The following SNTG1 variants were observed in gnomAD, a reference collection of about 807,000 sequenced individuals.
The protein encoded by SNTG1 is gamma-1-syntrophin.
In SNTG1, 39 loss-of-function variants were observed where a neutral mutation model predicts 74.7. The ratio of observed to expected loss-of-function variants is 0.52; its 90% CI spans 0.40 to 0.68. SNTG1 has a LOEUF of 0.68. SNTG1 is among the 30% of genes least tolerant of loss of function. SNTG1 has a pLI of 0.00. For synonymous variants in SNTG1, 254 were observed against 217.1 expected (o/e 1.17, Z -1.49); for missense variants, 685 against 609.5 (o/e 1.12, Z -1.30).
In SNTG1 at chr8:50,102,587, G is replaced by T. The variant is rs1368025035; in HGVS notation, c.-102-69974G>T. On this transcript the variant is annotated intron_variant, in intron 1 of 18. Coordinates refer to ENST00000642720, the MANE Select transcript of SNTG1 (RefSeq NM_018967.5). Reference sequence around the variant, plus strand: ...AATTAGATCCCATTTGTCAATTTTGGCTTTTGTTGCCATTGCTTTTGGTGT... The same window carrying T: ...AATTAGATCCCATTTGTCAATTTTGTCTTTTGTTGCCATTGCTTTTGGTGT... 2.0e-4 allele frequency among the ~76,000 whole-genome samples: 30 copies of T among 146,556 alleles called. No homozygotes were observed. The South Asian group carries it at 5.4e-3, about 26-fold the overall frequency.
At chr8:50,017,056 T>G (rs2130634484) in intron 1 of SNTG1, among the ~76,000 whole-genome samples, 1 of 152,038 alleles carries the variant, frequency 6.6e-6, no homozygotes, top group East Asian at 1.9e-4. Context: ...ACTGAGAGAC[T>G]AATACAATTA....
intron 2 of SNTG1, among the ~76,000 whole-genome samples, chr8:50,197,584 G>A (rs1311308058): frequency 6.6e-6 from 1 of 152,008 alleles, no homozygotes; most frequent in Non-Finnish European, 1.5e-5. Flanking sequence ...GAATATCTTT[G>A]GAATATTTAT....
At chr8:50,280,315 A>C (rs2088367171) in intron 2 of SNTG1, among the ~76,000 whole-genome samples, 2 of 152,216 alleles carry the variant, frequency 1.3e-5, no homozygotes, top group South Asian at 4.1e-4. Flanking sequence ...CTGCATTTGG[A>C]GGACAGTCAG....
At chr8:50,665,127 T>A (rs2095244414) in intron 15 of SNTG1, among the ~76,000 whole-genome samples, 1 of 152,282 alleles carries the variant, frequency 6.6e-6, no homozygotes, top group South Asian at 2.1e-4. Flanking sequence ...ACAGTCACAC[T>A]GATATTCATC....
chr8:50,366,516 T>G (rs578152890), intron 2 of SNTG1, among the ~76,000 whole-genome samples: 1 of 151,972 alleles, frequency 6.6e-6, no homozygotes, highest in South Asian at 2.1e-4. Context: ...CCTGAGTTTT[T>G]CCCTAAATTT....
chr8:50,309,027 C>A (rs113261497), intron 2 of SNTG1, among the ~76,000 whole-genome samples: 10,549 of 151,914 alleles, frequency 0.069, 407 homozygotes, highest in African/African-American at 0.086. Flanking sequence ...ATGTGTCTTC[C>A]CAAATTCTAG....
At chr8:50,732,221 T>A (rs1202465882) in intron 17 of SNTG1, among the ~76,000 whole-genome samples, 1 of 151,996 alleles carries the variant, frequency 6.6e-6, no homozygotes, top group Non-Finnish European at 1.5e-5. Flanking sequence ...AATTACTATA[T>A]ATAAAATATC....
At chr8:50,361,092 T>A (rs2091943141) in intron 2 of SNTG1, among the ~76,000 whole-genome samples, 1 of 152,230 alleles carries the variant, frequency 6.6e-6, no homozygotes, top group Non-Finnish European at 1.5e-5. Context: ...CTTTCATATA[T>A]CCTTGTTCTA....
intron 15 of SNTG1, among the ~76,000 whole-genome samples, chr8:50,679,438 T>C (rs567558558): frequency 6.6e-6 from 1 of 152,268 alleles, no homozygotes; most frequent in East Asian, 1.9e-4. Flanking sequence ...TCAGGAATTA[T>C]AATTATAGCC....
At chr8:50,039,304 A>C (rs950697957) in intron 1 of SNTG1, among the ~76,000 whole-genome samples, 1 of 151,870 alleles carries the variant, frequency 6.6e-6, no homozygotes, top group Non-Finnish European at 1.5e-5. Context: ...AAATGCAAAA[A>C]AGTAGCGGGG....
chr8:50,298,202 C>T (rs2089480129), intron 2 of SNTG1, among the ~76,000 whole-genome samples: 1 of 151,954 alleles, frequency 6.6e-6, no homozygotes, highest in Non-Finnish European at 1.5e-5. Flanking sequence ...GGTTTTGTCT[C>T]CAAATATCAG....
intron 2 of SNTG1, among the ~76,000 whole-genome samples, chr8:50,258,373 C>G (rs1295798045): frequency 1.3e-5 from 2 of 152,052 alleles, no homozygotes; most frequent in Non-Finnish European, 2.9e-5. Flanking sequence ...AAAATGTTCA[C>G]TTTTCAGAAA....
intron 2 of SNTG1, among the ~76,000 whole-genome samples, chr8:50,288,163 A>G (rs898143668): frequency 1.3e-5 from 2 of 152,196 alleles, no homozygotes; most frequent in Non-Finnish European, 2.9e-5. Context: ...TGATTGAGGA[A>G]GCAATTGTTA....
intron 1 of SNTG1, among the ~76,000 whole-genome samples, chr8:49,969,303 A>G (rs1368306947): frequency 6.6e-6 from 1 of 151,962 alleles, no homozygotes. Flanking sequence ...TTGCTTCACC[A>G]CAGGATGCCA....
chr8:50,097,385 G>T (rs145594344), intron 1 of SNTG1, among the ~76,000 whole-genome samples: 1 of 152,078 alleles, frequency 6.6e-6, no homozygotes, highest in African/African-American at 2.4e-5. Flanking sequence ...AAATTAAAAT[G>T]AAATTATTTC....
At chr8:50,064,257 G>T (rs910227383) in intron 1 of SNTG1, among the ~76,000 whole-genome samples, 1 of 152,064 alleles carries the variant, frequency 6.6e-6, no homozygotes, top group African/African-American at 2.4e-5. Flanking sequence ...AGATAGTTTT[G>T]CCTCATCTTT....
chr8:50,363,273 G>A (rs1410279970), intron 2 of SNTG1, among the ~76,000 whole-genome samples: 1 of 152,086 alleles, frequency 6.6e-6, no homozygotes, highest in Non-Finnish European at 1.5e-5. Context: ...TATGATCCCT[G>A]CCTTACCTGA....
chr8:50,284,628 A>T (rs1409195976), intron 2 of SNTG1, among the ~76,000 whole-genome samples: 1 of 152,116 alleles, frequency 6.6e-6, no homozygotes, highest in Non-Finnish European at 1.5e-5. Flanking sequence ...GAAATCAGCC[A>T]TTTCTCCAAG....
At chr8:50,216,152 T>C (rs1272127430) in intron 2 of SNTG1, among the ~76,000 whole-genome samples, 2 of 152,146 alleles carry the variant, frequency 1.3e-5, no homozygotes, top group Non-Finnish European at 2.9e-5. Context: ...GCTGGCTAGA[T>C]TGATTTGCTC....
Sources: gnomAD v4.1 joint callset for allele counts (sites outside exome capture counted in the v4.1 genomes callset) on GRCh38, gnomAD v4.1.1 for gene constraint, MANE v1.5 for transcripts, NCBI Gene and HGNC (gene_info 2026-07-23, HGNC 2026-07-21) for gene names.